Variants in IRF7 observed in about 807,000 individuals in gnomAD.
IRF7 encodes interferon regulatory factor-7H.
A neutral mutation model predicts 51.3 loss-of-function variants in IRF7; 67 were observed. The observed-to-expected ratio is 1.31, with a 90% CI of 1.07 to 1.60. IRF7 has a LOEUF of 1.60. Ranked by LOEUF, IRF7 falls within the 40% of genes most tolerant of loss-of-function variation. The pLI is 0.00. For missense variants in IRF7, 873 were observed against 701.5 expected (o/e 1.24, Z -2.76); for synonymous variants, 427 against 301.3 (o/e 1.42, Z -4.32).
Position 615,206 on chromosome 11 carries a change from C to G in IRF7, c.74G>C (p.Gly25Ala), listed in dbSNP as rs368359584. ...GEWLLGEISS[G>A]CYEGLQWLDE... ...CAGCCACTGCAGCCCCTCATAGCAGCCGCTGCTGATCTCTCCAAGGAGCCA... is the reference window on the plus strand; with the variant it reads ...CAGCCACTGCAGCCCCTCATAGCAGGCGCTGCTGATCTCTCCAAGGAGCCA... Residue 25 changes from glycine (G) to alanine (A), a missense_variant, in exon 3 of 11, where the codon GGC (glycine) becomes GCC (alanine). By Grantham distance (60) the Gly-to-Ala change is moderately conservative (BLOSUM62 0). Transcript: ENST00000525445. The G allele has an allele frequency of 3.7e-6, 6 of 1,600,138 alleles. No individual in the cohort carries two copies. Among genetic ancestry groups the G allele is most frequent in the Non-Finnish European group, 5.1e-6 (6 of 1,177,024 alleles).
In IRF7 at chr11:613,500, C is replaced by T. The variant is rs775954204; in HGVS notation, c.943G>A (p.Gly315Ser). The T allele has an allele frequency of 4.5e-6, 7 of 1,541,122 alleles. No individual in the cohort carries two copies. Among genetic ancestry groups the T allele is most frequent in the African/African-American group, 2.8e-5 (2 of 72,504 alleles). ...GCCCGGACAGCTGGGTCTGGGGGGC[C>T]GTATAGGAACGTGCAGCTCGGGTGT... ...VGHPSCTFLY[G>S]PPDPAVRATD... Residue 315 changes from glycine (G) to serine (S), a missense_variant, in exon 9 of 11, where the codon GGC becomes AGC. Coordinates refer to ENST00000525445, the MANE Select transcript of IRF7 (RefSeq NM_001572.5).
Position 614,207 on chromosome 11 carries a change from C to T in IRF7, c.646G>A (p.Glu216Lys). Residue 216 changes from glutamate (E) to lysine (K), a missense_variant, in exon 6 of 11, where the codon GAA becomes AAA. Glu to Lys is a moderately conservative substitution (Grantham distance 56). Transcript: ENST00000525445. ...CAGGCCCCAGTCAGGGGAAGCCCTTCTTGTCCCTCTCCAGGAGCCTTGGTT... is the reference window on the plus strand; with the variant it reads ...CAGGCCCCAGTCAGGGGAAGCCCTTTTTGTCCCTCTCCAGGAGCCTTGGTT... ...VPTKAPGEGQ[E>K]GLPLTGACAG... The T allele has an allele frequency of 1.9e-6, 3 of 1,613,030 alleles. No homozygotes were observed. The highest frequency in any genetic ancestry group is 1.3e-5 in the African/African-American group (1 of 75,048).
chr11:613,288 G>T lies in IRF7; in HGVS notation c.1155C>A (p.Gly385=). Residue 385 remains glycine, a synonymous_variant, in exon 9 of 11, where the codon GGC becomes GGA. Coordinates refer to ENST00000525445, the MANE Select transcript of IRF7 (RefSeq NM_001572.5). ...KVYWEVGGPP[G]SASPSTPACL... ...AGGCTGGGGTGGAGGGGCTGGCGGAGCCTGGGGGTCCGCCCACCTCCCAGT... is the reference window on the plus strand; with the variant it reads ...AGGCTGGGGTGGAGGGGCTGGCGGATCCTGGGGGTCCGCCCACCTCCCAGT... 1 of 1,609,368 alleles carries T rather than the reference G, an allele frequency of 6.2e-7. No homozygotes were observed. Among genetic ancestry groups the T allele is most frequent in the Non-Finnish European group, 8.5e-7 (1 of 1,178,348 alleles).
chr11:613,253 G>A lies in IRF7; in HGVS notation c.1190C>T (p.Pro397Leu), dbSNP rs1448178495. The change falls in exon 9 of 11, where the codon CCT becomes CTT. Residue 397 changes from proline (P) to leucine (L), a missense_variant. Transcript: ENST00000525445. Reference sequence around the variant, plus strand: ...GAAGATGGGGGTGTCACAGTTCCGAGGCAGCAGGCAGGCTGGGGTGGAGGG... The same window carrying A: ...GAAGATGGGGGTGTCACAGTTCCGAAGCAGCAGGCAGGCTGGGGTGGAGGG... ...ASPSTPACLL[P>L]RNCDTPIFDF... 1.3e-6 allele frequency: 2 copies of A among 1,598,550 alleles called. No homozygotes were observed. Among genetic ancestry groups the A allele is most frequent in the Non-Finnish European group, 1.7e-6 (2 of 1,173,368 alleles).
rs756822988 is a variant in IRF7, at chr11:613,446, T to A, written c.997A>T (p.Ser333Cys). The change falls in exon 9 of 11, where the codon AGC (serine) becomes TGC (cysteine). Residue 333 changes from serine to cysteine, a missense_variant. By Grantham distance (112) the Ser-to-Cys change is moderately radical. Coordinates refer to ENST00000525445, the MANE Select transcript of IRF7 (RefSeq NM_001572.5). ...TTCTGGTCCGGGAGCTCGGCAGGGC[T>A]GGGGAATGCTACCTGCTGGGGGTCT... ...ATDPQQVAFP[S>C]PAELPDQKQL... 31 of 1,553,808 alleles carry A rather than the reference T, an allele frequency of 2.0e-5. No homozygotes were observed. Among genetic ancestry groups the A allele is most frequent in the Non-Finnish European group, 2.7e-5 (31 of 1,150,270 alleles).
Position 615,647 on chromosome 11 carries a change from C to T in IRF7, c.-283G>A. 1 of 404,556 alleles carries T rather than the reference C, an allele frequency of 2.5e-6. No homozygotes were observed. Among genetic ancestry groups the T allele is most frequent in the Non-Finnish European group, 4.4e-6 (1 of 229,230 alleles). 25.1% of individuals were successfully genotyped at this position (404,556 alleles called of 1,614,324 possible). ...CCTGGCGGGAAGGCGCAGGCCGGAC[C>T]CTGCGGAGACGGGAAAGGCGACGTC... On this transcript the variant is annotated splice_region_variant and 5_prime_UTR_variant, in exon 2 of 11. Coordinates refer to ENST00000525445, the MANE Select transcript of IRF7 (RefSeq NM_001572.5).
In IRF7 at chr11:615,177, C is replaced by T. The variant is rs759402769; in HGVS notation, c.103G>A (p.Glu35Lys). The change falls in exon 3 of 11, where the codon GAG becomes AAG. Residue 35 changes from glutamate to lysine, a missense_variant. Glu to Lys is a moderately conservative substitution (Grantham distance 56). Transcript: ENST00000525445. ...GGCACGCGGAAACAGGTGCGGGCCT[C>T]GTCCAGCCACTGCAGCCCCTCATAG... is the stretch of plus-strand genomic sequence containing the variant. Reference protein sequence around the residue: ...GCYEGLQWLDEARTCFRVPWK... With the variant: ...GCYEGLQWLDKARTCFRVPWK... The T allele has an allele frequency of 6.2e-6, 10 of 1,603,382 alleles. No individual in the cohort carries two copies. Among genetic ancestry groups the T allele is most frequent in the East Asian group, 4.5e-5 (2 of 44,652 alleles).
rs1856730176 is a variant in IRF7 at position 614,861 on chromosome 11, A to C, written c.330T>G (p.Asp110Glu). ...GCGGGTCGGCCGGGTCCCCCGAGTTATCCCGCAGCATCACGAAGCGACGCG... is the reference window on the plus strand; with the variant it reads ...GCGGGTCGGCCGGGTCCCCCGAGTTCTCCCGCAGCATCACGAAGCGACGCG... ...RSTRRFVMLR[D>E]NSGDPADPHK... The change falls in exon 4 of 11, where the codon GAT (aspartate) becomes GAG (glutamate). Residue 110 changes from aspartate (D) to glutamate (E), a missense_variant. Coordinates refer to ENST00000525445, the MANE Select transcript of IRF7 (RefSeq NM_001572.5). 7.6e-6 allele frequency: 12 copies of C among 1,573,356 alleles called. No homozygotes were observed. The highest frequency in any genetic ancestry group is 1.0e-5 in the Non-Finnish European group (12 of 1,161,048).
chr11:615,499 T>C lies in IRF7; in HGVS notation c.-135A>G. 1.9e-6 allele frequency: 2 copies of C among 1,030,638 alleles called. No individual in the cohort carries two copies. Among genetic ancestry groups the C allele is most frequent in the Non-Finnish European group, 2.7e-6 (2 of 738,372 alleles). 63.8% of individuals were successfully genotyped at this position (1,030,638 alleles called of 1,614,324 possible). A position where few individuals can be genotyped will look rare whatever the true frequency, so the allele number is the denominator to read the frequency against. On this transcript the variant is annotated 5_prime_UTR_variant, in exon 2 of 11. Coordinates refer to ENST00000525445, the MANE Select transcript of IRF7 (RefSeq NM_001572.5). ...GTCACAGGTGTCCACAGGTGTGGAC[T>C]GAGGGCTTGTAGCCACCGACGCTGC... is the stretch of plus-strand genomic sequence containing the variant.
intron 6 of IRF7, 56 bp from the exon 7 acceptor site, chr11:614,093 A>C: frequency 6.3e-7 from 1 of 1,579,846 alleles, no homozygotes; most frequent in South Asian, 1.1e-5. Context: ...CCAGCTCCCC[A>C]ATCCCCAGCC....
intron 4 of IRF7, 126 bp from the exon 5 acceptor site, chr11:614,660 G>A: frequency 1.5e-6 from 2 of 1,379,002 alleles, no homozygotes; most frequent in Non-Finnish European, 2.0e-6. Context: ...AGGTGGGGAT[G>A]TGGCTCTCCA....
chr11:614,149 C>T lies in IRF7; in HGVS notation c.679+25G>A, dbSNP rs571734373. On this transcript the variant is annotated intron_variant, in intron 6 of 10. Coordinates refer to ENST00000525445, the MANE Select transcript of IRF7 (RefSeq NM_001572.5). ...AGGTGCACTGGCCCCTCCCGCGCTCCCCCCCTCCCCGGGCACGCCCACACC... is the reference window on the plus strand; with the variant it reads ...AGGTGCACTGGCCCCTCCCGCGCTCTCCCCCTCCCCGGGCACGCCCACACC... 3.1e-6 allele frequency: 5 copies of T among 1,604,512 alleles called. No homozygotes were observed. The South Asian group carries it at 4.4e-5, about 14-fold the overall frequency.
Position 614,895 on chromosome 11 carries a change from A to C in IRF7, c.296T>G (p.Leu99Arg). The C allele has an allele frequency of 1.3e-6, 2 of 1,588,002 alleles. No individual in the cohort carries two copies. Among genetic ancestry groups the C allele is most frequent in the Non-Finnish European group, 1.7e-6 (2 of 1,169,734 alleles). ...CATCACGAAGCGACGCGTGCTGCGC[A>C]GTGCGCAGCGGAAGTTGGTTTTCCA... ...AGWKTNFRCA[L>R]RSTRRFVMLR... Residue 99 changes from leucine to arginine, a missense_variant, in exon 4 of 11, where the codon CTG (leucine) becomes CGG (arginine). Physicochemically the swap from Leu to Arg is moderately radical, Grantham distance 102. Coordinates refer to ENST00000525445, the MANE Select transcript of IRF7 (RefSeq NM_001572.5).
chr11:614,685 G>A, intron 4 of IRF7, 112 bp downstream of exon 4: 1 of 1,390,674 alleles, frequency 7.2e-7, no homozygotes, highest in Non-Finnish European at 9.7e-7. Context: ...TCCTGGGCCT[G>A]CTGGCAGCCT....
At chr11:612,963 G>A in intron 10 of IRF7, 36 bp downstream of exon 10, 1 of 1,601,600 alleles carries the variant, frequency 6.2e-7, no homozygotes. Context: ...GTGGGCCTGA[G>A]CACATGGCCT....
rs138994176 is a variant in IRF7, at chr11:613,395, G to A, written c.1048C>T (p.Leu350=). ...QKQLRYTEEL[L]RHVAPGLHLE... is the part of the protein sequence containing the mutation. ...TGCAACCCAGGGGCCACGTGCCGCA[G>A]CAGTTCCTCCGTGTAGCGCAGCTGC... Residue 350 remains leucine (L), a synonymous_variant, in exon 9 of 11, where the codon CTG becomes TTG. Coordinates refer to ENST00000525445, the MANE Select transcript of IRF7 (RefSeq NM_001572.5). 7 of 1,596,626 alleles carry A rather than the reference G, an allele frequency of 4.4e-6. No homozygotes were observed. Among genetic ancestry groups the A allele is most frequent in the African/African-American group, 4.0e-5 (3 of 74,112 alleles).
chr11:612,672 G>A lies in IRF7; in HGVS notation c.1485C>T (p.Phe495=). ...ANSLYDDIEC[F]LMELEQPA The stretch of plus-strand genomic sequence containing the variant: ...AGGCGGGCTGCTCCAGCTCCATAAG[G>A]AAGCACTCGATGTCGTCATAGAGGC... Residue 495 remains phenylalanine, a synonymous_variant, in exon 11 of 11, where the codon TTC becomes TTT. Coordinates refer to ENST00000525445, the MANE Select transcript of IRF7 (RefSeq NM_001572.5). 5 of 1,613,224 alleles carry A rather than the reference G, an allele frequency of 3.1e-6. No homozygotes were observed. Among genetic ancestry groups the A allele is most frequent in the Non-Finnish European group, 4.2e-6 (5 of 1,179,994 alleles).
chr11:613,388 T>A lies in IRF7; in HGVS notation c.1055A>T (p.His352Leu). ...CTCCAGGTGCAACCCAGGGGCCACGTGCCGCAGCAGTTCCTCCGTGTAGCG... is the reference window on the plus strand; with the variant it reads ...CTCCAGGTGCAACCCAGGGGCCACGAGCCGCAGCAGTTCCTCCGTGTAGCG... ...QLRYTEELLR[H>L]VAPGLHLELR... The change falls in exon 9 of 11, where the codon CAC (histidine) becomes CTC (leucine). Residue 352 changes from histidine (H) to leucine (L), a missense_variant. Coordinates refer to ENST00000525445, the MANE Select transcript of IRF7 (RefSeq NM_001572.5). The A allele has an allele frequency of 4.4e-6, 7 of 1,599,112 alleles. No homozygotes were observed. The highest frequency in any genetic ancestry group is 6.0e-6 in the Non-Finnish European group (7 of 1,174,962).
rs779826882 is a variant in IRF7, at chr11:613,966, C to CGGGCTGGGGCCCG, written c.738_750dup (p.Ala251ArgfsTer155). ...CCCCTCTCACCTGTCGTTAGTGCCG[C>CGGGCTGGGGCCCG]GGGCTGGGGCCCGGGGCTGGGGGTC... On this transcript the variant is annotated frameshift_variant, in exon 7 of 11. Transcript: ENST00000525445. LOFTEE classifies it high-confidence loss of function. 4 of 1,606,434 alleles carry CGGGCTGGGGCCCG rather than the reference C, an allele frequency of 2.5e-6. No individual in the cohort carries two copies. The highest frequency in any genetic ancestry group is 1.3e-5 in the African/African-American group (1 of 74,620).
Sources: gnomAD v4.1 joint callset for allele counts on GRCh38, gnomAD v4.1.1 for gene constraint, MANE v1.5 for transcripts, NCBI Gene and HGNC (gene_info 2026-07-23, HGNC 2026-07-21) for gene names.